Variants in TRPM2 observed in about 807,000 individuals in gnomAD.
The protein encoded by TRPM2 is estrogen-responsive element-associated gene 1 protein.
Under a neutral mutation model 174.0 loss-of-function variants are expected in TRPM2, and 161 were observed. That is an observed-to-expected ratio of 0.93 (90% confidence interval 0.81 to 1.05). TRPM2 has a LOEUF of 1.05. TRPM2 is among the 50% of genes least tolerant of loss of function. TRPM2 has a pLI of 0.00. For missense variants in TRPM2, 2,057 were observed against 2,038.0 expected, an observed-to-expected ratio of 1.01 and a Z score of -0.18; for synonymous variants, 954 against 861.3, an observed-to-expected ratio of 1.11 and a Z score of -1.88.
rs112257891 is a variant in TRPM2, at chr21:44,405,334, C to G, written c.2657+74C>G. On this transcript the variant is annotated intron_variant, in intron 17 of 31. Transcript: ENST00000397928. ...GCAGGGGATGAGCACAGGCCGGGCCCAGAACCAGCCACACCGGGTGAGGCT... is the reference window on the plus strand; with the variant it reads ...GCAGGGGATGAGCACAGGCCGGGCCGAGAACCAGCCACACCGGGTGAGGCT... 9.7e-5 allele frequency: 154 copies of G among 1,584,994 alleles called. No individual in the cohort carries two copies. The African/African-American group carries it at 1.8e-3, about 18-fold the overall frequency.
intron 12 of TRPM2, among the ~76,000 whole-genome samples, chr21:44,397,042 A>T (rs1315764035): frequency 7.0e-6 from 1 of 143,014 alleles, no homozygotes; most frequent in Admixed American, 7.0e-5. Flanking sequence ...CAGGAAAGGA[A>T]TTTTTTTTTT....
intron 22 of TRPM2, chr21:44,422,386 C>T: frequency 6.5e-7 from 1 of 1,536,118 alleles, no homozygotes; most frequent in Non-Finnish European, 8.7e-7. Flanking sequence ...ACCACCCTCG[C>T]ATGTTTGCAA....
chr21:44,401,936 C>CCACCCACTT, intron 16 of TRPM2, 39 bp downstream of exon 16: 1 of 1,609,592 alleles, frequency 6.2e-7, no homozygotes, highest in Non-Finnish European at 8.5e-7. Context: ...CAGCCCGGGG[C>CCACCCACTT]CACCCACTTG....
chr21:44,379,833 T>C (rs1000781076), intron 8 of TRPM2, among the ~76,000 whole-genome samples: 30 of 152,182 alleles, frequency 2.0e-4, no homozygotes, highest in Non-Finnish European at 5.9e-5. Flanking sequence ...CTGACTCAAT[T>C]CCTGGCAGGA....
chr21:44,409,894 C>T (rs545523037), intron 19 of TRPM2, among the ~76,000 whole-genome samples: 62 of 137,262 alleles, frequency 4.5e-4, no homozygotes, highest in Admixed American at 7.5e-4. Context: ...AAGTTTTGAC[C>T]GCACTGTCTT....
intron 5 of TRPM2, among the ~76,000 whole-genome samples, chr21:44,370,270 G>T (rs934697616): frequency 1.3e-5 from 2 of 152,128 alleles, no homozygotes; most frequent in Non-Finnish European, 2.9e-5. Context: ...TTAGCACTTT[G>T]AGTCCCTGTA....
rs1208413157 is a variant in TRPM2 at position 44,439,180 on chromosome 21, C to G, written c.4269+12C>G. 1.9e-6 allele frequency: 3 copies of G among 1,609,010 alleles called. No individual in the cohort carries two copies. The highest frequency in any genetic ancestry group is 2.6e-6 in the Non-Finnish European group (3 of 1,176,060). On this transcript the variant is annotated intron_variant, in intron 30 of 31. Transcript: ENST00000397928. The surrounding 1 kb of genome is among the most constrained non-coding windows in gnomAD (Gnocchi z 5.1). ...AGTGCGGCATGGAGGTATTCCTGGCCTGTTTGCTCTGTTCCACCTGTGTGT... is the reference window on the plus strand; with the variant it reads ...AGTGCGGCATGGAGGTATTCCTGGCGTGTTTGCTCTGTTCCACCTGTGTGT...
chr21:44,363,846 G>T (rs538710422), intron 2 of TRPM2, among the ~76,000 whole-genome samples: 29 of 152,292 alleles, frequency 1.9e-4, no homozygotes, highest in African/African-American at 6.7e-4. Context: ...CCCCATCACT[G>T]CCCCACAAAG....
chr21:44,413,283 G>C (rs918413887), intron 19 of TRPM2, among the ~76,000 whole-genome samples: 13 of 144,152 alleles, frequency 9.0e-5, no homozygotes, highest in African/African-American at 3.4e-4. Flanking sequence ...TTGTTGCCCA[G>C]GCTGGAGTGC....
At chr21:44,384,000 C>T (rs918226596) in intron 9 of TRPM2, among the ~76,000 whole-genome samples, 3 of 152,040 alleles carry the variant, frequency 2.0e-5, no homozygotes. Context: ...GGAAATAGTA[C>T]AGATTAGAGC....
At chr21:44,436,995 C>A in intron 28 of TRPM2, 67 bp from the exon 29 acceptor site, 1 of 1,443,596 alleles carries the variant, frequency 6.9e-7, no homozygotes, top group South Asian at 1.2e-5. Context: ...GGGCCAGCCC[C>A]GCCGCGGCGC....
chr21:44,425,742 G>T lies in TRPM2; in HGVS notation c.3710G>T (p.Ser1237Ile). ...GRKKTEEPGD[S>I]YHVNARHLLY... ...AAGAAGACGGAGGAGCCGGGCGACA[G>T]CTACCACGTGAATGCCCGGCACCTC... is the stretch of plus-strand genomic sequence containing the variant. The change falls in exon 25 of 32, where the codon AGC becomes ATC. Residue 1237 changes from serine (S) to isoleucine (I), a missense_variant. Physicochemically the swap from Ser to Ile is moderately radical, Grantham distance 142 (BLOSUM62 -2). Coordinates refer to ENST00000397928, the MANE Select transcript of TRPM2 (RefSeq NM_003307.4). 1 of 1,592,082 alleles carries T rather than the reference G, an allele frequency of 6.3e-7. No individual in the cohort carries two copies. The highest frequency in any genetic ancestry group is 8.6e-7 in the Non-Finnish European group (1 of 1,168,232).
chr21:44,404,492 G>A (rs1030869536), intron 16 of TRPM2, among the ~76,000 whole-genome samples: 1 of 152,214 alleles, frequency 6.6e-6, no homozygotes, highest in Non-Finnish European at 1.5e-5. Flanking sequence ...GGGGGCCGAG[G>A]TAGCTGCTGC....
chr21:44,429,283 T>TCTTTTTC (rs1287982957), intron 27 of TRPM2, among the ~76,000 whole-genome samples: 1 of 136,286 alleles, frequency 7.3e-6, no homozygotes, highest in African/African-American at 2.8e-5. Context: ...TTTTTCTTTT[T>TCTTTTTC]TTTTTTTTTT....
In TRPM2 at chr21:44,427,067, C is replaced by T. The variant is rs374916295; in HGVS notation, c.3930C>T (p.Arg1310=). The change falls in exon 27 of 32, where the codon CGC becomes CGT. Residue 1310 remains arginine (R), a synonymous_variant. Coordinates refer to ENST00000397928, the MANE Select transcript of TRPM2 (RefSeq NM_003307.4). ...QYNVVDGLRD[R]RSFHGPYTVQ... is the part of the protein sequence containing the mutation. Reference sequence around the variant, plus strand: ...ACGTGGTGGATGGCCTGAGGGACCGCCGGAGCTTCCACGGGCCGTACACAG... The same window carrying T: ...ACGTGGTGGATGGCCTGAGGGACCGTCGGAGCTTCCACGGGCCGTACACAG... The T allele has an allele frequency of 4.4e-6, 7 of 1,607,420 alleles. 1 individual carries two copies. In the East Asian group the frequency reaches 6.7e-5, roughly 15 times the overall value.
intron 27 of TRPM2, among the ~76,000 whole-genome samples, chr21:44,428,435 TC>T (rs2050888033): frequency 2.4e-5 from 3 of 124,284 alleles, no homozygotes; most frequent in South Asian, 2.7e-4. Context: ...TAGGTGTGGC[TC>T]CTCCCCTTAG....
rs2051298356 is a variant in TRPM2 at position 44,437,079 on chromosome 21, A to T, written c.4079A>T (p.Asp1360Val). The change falls in exon 29 of 32, where the codon GAT becomes GTT. Residue 1360 changes from aspartate (D) to valine (V), a missense_variant. Physicochemically the swap from Asp to Val is radical, Grantham distance 152. Coordinates refer to ENST00000397928, the MANE Select transcript of TRPM2 (RefSeq NM_003307.4). The part of the protein sequence containing the change: ...PMVTRWRRNE[D>V]GAICRKSIKK... ...CTCCGCAGGTGGAGGCGGAACGAGG[A>T]TGGAGCCATCTGCAGGAAGAGCATA... 1 of 1,550,886 alleles carries T rather than the reference A, an allele frequency of 6.4e-7. No individual in the cohort carries two copies. The highest frequency in any genetic ancestry group is 8.7e-7 in the Non-Finnish European group (1 of 1,146,830).
At chr21:44,382,535 T>G (rs1436458629) in intron 8 of TRPM2, among the ~76,000 whole-genome samples, 183 bp from the exon 9 acceptor site, 63 of 152,128 alleles carry the variant, frequency 4.1e-4, no homozygotes, top group Non-Finnish European at 8.8e-5. Flanking sequence ...ACATGATGTA[T>G]TTGGTCCCCA....
At position 44,401,516 on chromosome 21, in the gene TRPM2, G is replaced by A. The variant is rs1053204468; in HGVS notation, c.2322-165G>A. 3.3e-5 allele frequency among the ~76,000 whole-genome samples: 5 copies of A among 152,146 alleles called. No homozygotes were observed. The South Asian group carries it at 6.2e-4, about 19-fold the overall frequency. ...TGAGGCTCCCAGGCTGTGCTGTGCC[G>A]GCTCCGCCTGTAGCTGCCGTTATGG... is the stretch of plus-strand genomic sequence containing the variant. On this transcript the variant is annotated intron_variant, in intron 15 of 31. Transcript: ENST00000397928.
Sources: gnomAD v4.1 joint callset for allele counts (sites outside exome capture counted in the v4.1 genomes callset) on GRCh38, gnomAD v4.1.1 for gene constraint, Gnocchi (gnomAD v3.1) non-coding constraint, MANE v1.5 for transcripts, NCBI Gene and HGNC (gene_info 2026-07-23, HGNC 2026-07-21) for gene names.